Variants in BCOR observed in about 807,000 individuals in gnomAD.
The protein encoded by BCOR is BCL-6 corepressor.
BCOR carries 10 observed loss-of-function variants against 86.7 expected under a neutral mutation model. That is an observed-to-expected ratio of 0.12 (90% CI 0.07 to 0.20). BCOR has a LOEUF of 0.20. Ranked by LOEUF, BCOR falls within the 10% of genes least tolerant of loss-of-function variation. The pLI is 1.00. For missense variants in BCOR, 1,259 were observed against 1,452.1 expected (o/e 0.87, Z 2.16); for synonymous variants, 611 against 609.0 (o/e 1.00, Z -0.05).
upstream of BCOR, among the ~76,000 whole-genome samples, chrX:40,098,888 C>G (rs779578915): frequency 8.9e-6 from 1 of 112,215 alleles, no homozygotes; most frequent in South Asian, 3.7e-4. Context: ...CCCGTGGAGG[C>G]ACCGGGAGGC....
intron 1 of BCOR, among the ~76,000 whole-genome samples, chrX:40,085,585 G>A (rs1936321029): frequency 9.0e-6 from 1 of 111,373 alleles, no homozygotes; most frequent in South Asian, 3.8e-4. Flanking sequence ...AGGGAGGGGA[G>A]GTGCTGAGGG....
chrX:40,108,020 G>T (rs1937226496), intron 1 of BCOR, among the ~76,000 whole-genome samples: 1 of 112,949 alleles, frequency 8.9e-6, no homozygotes, highest in African/African-American at 3.2e-5. Flanking sequence ...TCCTTCGGCG[G>T]CCTGGGCCCC....
chrX:40,146,189 C>G (rs1325874836), intron 1 of BCOR, among the ~76,000 whole-genome samples: 1 of 112,352 alleles, frequency 8.9e-6, no homozygotes, highest in African/African-American at 3.2e-5. Context: ...CGCACGGTAG[C>G]CTGATCCATC....
intron 1 of BCOR, among the ~76,000 whole-genome samples, chrX:40,079,386 G>A (rs965703237): frequency 3.6e-5 from 4 of 112,167 alleles, no homozygotes; most frequent in African/African-American, 1.3e-4. Flanking sequence ...AGTGACTGAG[G>A]GTGGGAGTTA....
At chrX:40,077,134 C>G (rs1464664962) in intron 2 of BCOR, 1 of 187,912 alleles carries the variant, frequency 5.3e-6, no homozygotes, top group African/African-American at 3.1e-5. Flanking sequence ...GTCAGCTGTT[C>G]CAGGCTGAAA....
chrX:40,057,418 C>T, intron 10 of BCOR, 97 bp from the exon 11 acceptor site: 2 of 860,919 alleles, frequency 2.3e-6, no homozygotes, highest in Admixed American at 5.2e-5. Context: ...ACCCTCAGGC[C>T]TGAGAACCTG....
intron 1 of BCOR, chrX:40,176,927 C>T (rs1341358863): frequency 5.4e-5 from 6 of 111,301 alleles, no homozygotes; most frequent in Admixed American, 4.7e-4. Context: ...CTCGGGGGCC[C>T]TGGCGTCCTC....
chrX:40,063,214 C>T (rs1934999231), intron 8 of BCOR, 143 bp from the exon 9 acceptor site: 1 of 460,395 alleles, frequency 2.2e-6, no homozygotes. Context: ...AAAGATACAC[C>T]AATTATGTTT....
intron 1 of BCOR, among the ~76,000 whole-genome samples, chrX:40,120,175 A>G (rs1195877707): frequency 9.0e-6 from 1 of 110,873 alleles, no homozygotes; most frequent in Non-Finnish European, 1.9e-5. Context: ...AGTTGGCAGC[A>G]TTAACGGGTT....
chrX:40,064,524 T>A lies in BCOR; in HGVS notation c.3314A>T (p.Tyr1105Phe). The change falls in exon 7 of 15, where the codon TAC becomes TTC. Residue 1105 changes from tyrosine (Y) to phenylalanine (F), a missense_variant. By Grantham distance (22) the Tyr-to-Phe change is conservative. Coordinates refer to ENST00000378444, the MANE Select transcript of BCOR (RefSeq NM_001123385.2). ...GCTCACAGGCTGCCTCTCCACAAAGTACTTCTCCACAGGAAGATCTTTGTC... is the reference window on the plus strand; with the variant it reads ...GCTCACAGGCTGCCTCTCCACAAAGAACTTCTCCACAGGAAGATCTTTGTC... ...PEDKDLPVEK[Y>F]FVERQPVSEP... 5 of 1,211,876 alleles carry A rather than the reference T, an allele frequency of 4.1e-6. No individual in the cohort carries two copies. The highest frequency in any genetic ancestry group is 5.6e-6 in the Non-Finnish European group (5 of 895,451).
chrX:40,077,038 G>A (rs1252974371), intron 2 of BCOR: 7 of 257,351 alleles, frequency 2.7e-5, no homozygotes, highest in Non-Finnish European at 4.3e-5. Context: ...CATGTCCTAC[G>A]AAACTGGTTT....
chrX:40,113,630 G>C (rs1488497830), intron 1 of BCOR, among the ~76,000 whole-genome samples: 3 of 110,567 alleles, frequency 2.7e-5, no homozygotes, highest in Non-Finnish European at 5.7e-5. Context: ...TAATGGTACA[G>C]TGTATCATCA....
chrX:40,127,804 T>C (rs1937559302), intron 1 of BCOR, among the ~76,000 whole-genome samples: 3 of 108,304 alleles, frequency 2.8e-5, no homozygotes, highest in South Asian at 7.9e-4. Flanking sequence ...GCCCAGGAAT[T>C]TGATGCTGCA....
rs1337340345 is a variant in BCOR, at chrX:40,106,998, C to G, written c.-40-29029G>C. Among the ~76,000 whole-genome samples the G allele has an allele frequency of 2.7e-5, 3 of 111,478 alleles. No individual in the cohort carries two copies. The Admixed American group carries it at 2.8e-4, about 11-fold the overall frequency. ...GAACTCAGAGTGCGTGTCTGTGAGCCCCGAGGTTTTGGCACTCGATGACCT... is the reference window on the plus strand; with the variant it reads ...GAACTCAGAGTGCGTGTCTGTGAGCGCCGAGGTTTTGGCACTCGATGACCT... On this transcript the variant is annotated intron_variant, in intron 1 of 14. Transcript: ENST00000342274.
chrX:40,137,579 A>AAAATT (rs1276709362), intron 1 of BCOR, among the ~76,000 whole-genome samples: 1 of 110,865 alleles, frequency 9.0e-6, no homozygotes, highest in Non-Finnish European at 1.9e-5. Context: ...AAAATAAAAT[A>AAAATT]AAATATAAAA....
intron 1 of BCOR, among the ~76,000 whole-genome samples, chrX:40,154,030 C>T (rs965506548): frequency 6.3e-5 from 7 of 111,974 alleles, no homozygotes; most frequent in Admixed American, 5.6e-4. Context: ...GCGGCTCGGG[C>T]CCGCCGCTCT....
intron 12 of BCOR, 125 bp from the exon 13 acceptor site, chrX:40,054,458 T>C: frequency 1.9e-6 from 1 of 520,886 alleles, no homozygotes; most frequent in African/African-American, 2.3e-5. Context: ...CCTGTCTTCC[T>C]CTTTCTCAGC....
At chrX:40,165,887 C>T (rs1290765686) in intron 1 of BCOR, among the ~76,000 whole-genome samples, 5 of 111,809 alleles carry the variant, frequency 4.5e-5, no homozygotes, top group African/African-American at 1.6e-4. Context: ...AAGTGATCCT[C>T]CCACCTCTGC....
At chrX:40,122,028 G>A (rs781099590) in intron 1 of BCOR, among the ~76,000 whole-genome samples, 97 of 111,571 alleles carry the variant, frequency 8.7e-4, no homozygotes, top group African/African-American at 2.9e-3. Flanking sequence ...CCCAAACTTC[G>A]ATCCTGCTTT....
Sources: gnomAD v4.1 joint callset for allele counts (sites outside exome capture counted in the v4.1 genomes callset) on GRCh38, gnomAD v4.1.1 for gene constraint, MANE v1.5 for transcripts, NCBI Gene and HGNC (gene_info 2026-07-23, HGNC 2026-07-21) for gene names.